Variants in CFAP299 observed in about 807,000 individuals in gnomAD.
CFAP299 encodes the protein cilia- and flagella-associated protein 299.
Under a neutral mutation model 27.0 loss-of-function variants are expected in CFAP299, and 21 were observed. The ratio of observed to expected loss-of-function variants is 0.78; its 90% confidence interval spans 0.55 to 1.12. CFAP299 has a LOEUF of 1.12. Ranked by LOEUF, CFAP299 falls within the 50% of genes most tolerant of loss-of-function variation. CFAP299 has a pLI of 0.00. For synonymous variants in CFAP299, 104 were observed against 98.1 expected (o/e 1.06, Z -0.36); for missense variants, 310 against 276.6 (o/e 1.12, Z -0.86).
At chr4:80,606,200 G>A (rs569655231) in intron 3 of CFAP299, among the ~76,000 whole-genome samples, 2 of 152,262 alleles carry the variant, frequency 1.3e-5, no homozygotes, top group African/African-American at 4.8e-5. Flanking sequence ...TCTCTTATAA[G>A]TCTTTTCAGA....
chr4:80,569,836 T>C (rs1387360094), intron 2 of CFAP299, among the ~76,000 whole-genome samples: 2 of 152,026 alleles, frequency 1.3e-5, no homozygotes, highest in Admixed American at 1.3e-4. Flanking sequence ...TGAGACACTA[T>C]TTTTAGCTTC....
At chr4:80,736,991 T>G (rs374347474) in intron 3 of CFAP299, among the ~76,000 whole-genome samples, 1 of 152,070 alleles carries the variant, frequency 6.6e-6, no homozygotes, top group African/African-American at 2.4e-5. Flanking sequence ...CCATAAAAAA[T>G]GATGAGTTCA....
intron 3 of CFAP299, among the ~76,000 whole-genome samples, chr4:80,804,071 G>A (rs1728745063): frequency 6.6e-6 from 1 of 152,034 alleles, no homozygotes; most frequent in South Asian, 2.1e-4. Context: ...AGAAGGAGGT[G>A]GAGGCGCTGT....
At chr4:80,792,453 AC>A (rs548315839) in intron 3 of CFAP299, among the ~76,000 whole-genome samples, 31 of 152,236 alleles carry the variant, frequency 2.0e-4, no homozygotes, top group Admixed American at 1.4e-3. Context: ...CATTAAATTA[AC>A]CTTTGGAGAA....
intron 3 of CFAP299, among the ~76,000 whole-genome samples, chr4:80,656,039 A>C (rs1317297942): frequency 1.3e-5 from 2 of 152,086 alleles, no homozygotes; most frequent in African/African-American, 4.8e-5. Flanking sequence ...ATTGCCCAAC[A>C]TCATTTTGAA....
chr4:80,508,714 A>T (rs1732150635), intron 2 of CFAP299, among the ~76,000 whole-genome samples: 1 of 151,664 alleles, frequency 6.6e-6, no homozygotes. Context: ...GTGCACCACC[A>T]CTCCTGGCTG....
intron 2 of CFAP299, chr4:80,387,690 A>C: frequency 6.3e-7 from 1 of 1,576,394 alleles, no homozygotes; most frequent in Non-Finnish European, 8.7e-7. Flanking sequence ...GGGCAAAGGC[A>C]TGGCCACATG....
intron 2 of CFAP299, chr4:80,388,461 CTG>C: frequency 2.0e-6 from 2 of 1,018,046 alleles, no homozygotes; most frequent in Non-Finnish European, 3.0e-6. Flanking sequence ...ACCAGCGAGA[CTG>C]TGTCCAGGTC....
intron 3 of CFAP299, among the ~76,000 whole-genome samples, chr4:80,692,099 C>T (rs1720749712): frequency 1.3e-5 from 2 of 152,150 alleles, no homozygotes; most frequent in African/African-American, 4.8e-5. Context: ...GAATCAATAT[C>T]ATGAAAATGG....
intron 3 of CFAP299, among the ~76,000 whole-genome samples, chr4:80,679,534 T>C (rs1392681897): frequency 6.6e-6 from 1 of 152,054 alleles, no homozygotes; most frequent in Non-Finnish European, 1.5e-5. Context: ...TTCACATTGC[T>C]ACCAACAATG....
At chr4:80,549,964 C>T (rs1734419169) in intron 2 of CFAP299, among the ~76,000 whole-genome samples, 1 of 151,800 alleles carries the variant, frequency 6.6e-6, no homozygotes. Flanking sequence ...TTTCTCTGTT[C>T]ACTCAAACTT....
At chr4:80,671,183 G>T (rs1023249399) in intron 3 of CFAP299, among the ~76,000 whole-genome samples, 6 of 152,132 alleles carry the variant, frequency 3.9e-5, no homozygotes, top group Non-Finnish European at 8.8e-5. Flanking sequence ...GTAAGGAAAG[G>T]ATCCAGTTTC....
intron 3 of CFAP299, among the ~76,000 whole-genome samples, chr4:80,740,635 C>A (rs1310293526): frequency 6.6e-6 from 1 of 152,174 alleles, no homozygotes; most frequent in Non-Finnish European, 1.5e-5. Context: ...CCCACAGGCC[C>A]TGGACATGTC....
At chr4:80,758,294 G>T (rs1193177795) in intron 3 of CFAP299, among the ~76,000 whole-genome samples, 1 of 152,108 alleles carries the variant, frequency 6.6e-6, no homozygotes, top group Non-Finnish European at 1.5e-5. Context: ...CTGGAGTCTG[G>T]TTGTCCCAGG....
chr4:80,893,017 A>G (rs1734421115), intron 4 of CFAP299, among the ~76,000 whole-genome samples: 1 of 152,038 alleles, frequency 6.6e-6, no homozygotes, highest in Admixed American at 6.6e-5. Context: ...TAGAGCAAAT[A>G]AATGAAATCA....
chr4:80,812,082 CAGTATTCATATATT>C (rs1272699650), intron 3 of CFAP299, among the ~76,000 whole-genome samples: 8 of 152,008 alleles, frequency 5.3e-5, no homozygotes, highest in African/African-American at 1.2e-4. Flanking sequence ...TGAATACAAA[CAGTATTCATATATT>C]AGTATTCATA....
rs536772771 is a variant in CFAP299 at position 80,898,039 on chromosome 4, G to A, written c.476+27904G>A. 6.6e-5 allele frequency among the ~76,000 whole-genome samples: 10 copies of A among 152,230 alleles called. No individual in the cohort carries two copies. The South Asian group carries it at 2.1e-3, about 32-fold the overall frequency. ...TGGGGCCTCATGACAGTGTCCAGTGGGGTGCCCAGAACCCCTGAAGCTCCA... is the reference window on the plus strand; with the variant it reads ...TGGGGCCTCATGACAGTGTCCAGTGAGGTGCCCAGAACCCCTGAAGCTCCA... On this transcript the variant is annotated intron_variant, in intron 4 of 5. Transcript: ENST00000358105.
chr4:80,503,520 T>C (rs1731841733), intron 2 of CFAP299, among the ~76,000 whole-genome samples: 1 of 152,176 alleles, frequency 6.6e-6, no homozygotes, highest in Admixed American at 6.6e-5. Context: ...CTAAGAATAA[T>C]GGCTGCGGGC....
intron 3 of CFAP299, among the ~76,000 whole-genome samples, chr4:80,737,345 A>G (rs1429164352): frequency 6.6e-6 from 1 of 152,160 alleles, no homozygotes; most frequent in Non-Finnish European, 1.5e-5. Context: ...AAAATAAAAA[A>G]GCAGAAAAAA....
Sources: allele counts gnomAD v4.1 joint callset (sites outside exome capture counted in the v4.1 genomes callset), GRCh38; gene constraint gnomAD v4.1.1; transcripts MANE v1.5; gene names NCBI Gene and HGNC (gene_info 2026-07-23, HGNC 2026-07-21).